The following AMPH variants were observed in gnomAD, a reference collection of about 807,000 sequenced individuals.
AMPH encodes the protein amphiphysin.
AMPH carries 49 observed loss-of-function variants against 99.1 expected under a neutral mutation model. The ratio of observed to expected loss-of-function variants is 0.49; its 90% CI spans 0.39 to 0.63. AMPH has a LOEUF of 0.63. AMPH is among the 20% of genes least tolerant of loss of function. The pLI is 0.00. For synonymous variants in AMPH, 314 were observed against 317.3 expected (o/e 0.99, Z 0.11); for missense variants, 759 against 863.4 (o/e 0.88, Z 1.52).
At chr7:38,520,018 C>A (rs1220255729) in intron 2 of AMPH, among the ~76,000 whole-genome samples, 1 of 151,786 alleles carries the variant, frequency 6.6e-6, no homozygotes, top group Non-Finnish European at 1.5e-5. Context: ...AAATAAAAAT[C>A]AAAAAAATAA....
intron 2 of AMPH, among the ~76,000 whole-genome samples, chr7:38,524,600 A>G (rs1231329035): frequency 1.3e-5 from 2 of 150,628 alleles, no homozygotes; most frequent in African/African-American, 4.9e-5. Flanking sequence ...GGATGGATGA[A>G]TAGATGGTTG....
rs150756713 is a variant in AMPH, at chr7:38,467,291, C to T, written c.591-1043G>A. ...GTCTGAGATAGGGCAAAGGAGAACA[C>T]TTGCACCTGTATTTGAGGAAGCTAA... is the stretch of plus-strand genomic sequence containing the variant. On this transcript the variant is annotated intron_variant, in intron 7 of 20. Transcript: ENST00000356264. Among the ~76,000 whole-genome samples, 3 of 152,250 alleles carry T rather than the reference C, an allele frequency of 2.0e-5. No homozygotes were observed. The East Asian group carries it at 5.8e-4, about 29-fold the overall frequency.
chr7:38,449,857 T>A (rs1179333412), intron 11 of AMPH, among the ~76,000 whole-genome samples: 1 of 152,204 alleles, frequency 6.6e-6, no homozygotes, highest in Non-Finnish European at 1.5e-5. Context: ...AGGTTACAGA[T>A]ACCCAGTAAG....
In AMPH at chr7:38,459,324, T is replaced by A. The variant is rs76835773; in HGVS notation, c.1017+1959A>T. ...ACGCCTACCAAAATACCAACAACAT[T>A]TTCAGCAGAATTAGAAAAAATCATA... is the stretch of plus-strand genomic sequence containing the variant. On this transcript the variant is annotated intron_variant, in intron 11 of 20. Transcript: ENST00000356264. Among the ~76,000 whole-genome samples the A allele has an allele frequency of 5.1e-3, 778 of 152,114 alleles. 8 individuals carry two copies. Among genetic ancestry groups the A allele is most frequent in the African/African-American group, 0.018 (741 of 41,494 alleles).
chr7:38,475,821 G>A (rs1788060315), intron 6 of AMPH, among the ~76,000 whole-genome samples: 1 of 152,210 alleles, frequency 6.6e-6, no homozygotes, highest in African/African-American at 2.4e-5. Context: ...ATGCTATATG[G>A]AAGGTGGTGC....
intron 11 of AMPH, among the ~76,000 whole-genome samples, chr7:38,446,562 A>C (rs1339449188): frequency 2.0e-5 from 3 of 152,222 alleles, no homozygotes; most frequent in Non-Finnish European, 4.4e-5. Context: ...ATTCTAGAAA[A>C]TGCAAACTAA....
At chr7:38,623,011 C>G (rs1032688646) in intron 1 of AMPH, among the ~76,000 whole-genome samples, 9 of 152,110 alleles carry the variant, frequency 5.9e-5, no homozygotes, top group Non-Finnish European at 1.2e-4. Flanking sequence ...ATTAGGGACC[C>G]TTTCTCACAA....
rs116652367 is a variant in AMPH, at chr7:38,546,403, G to A, written c.70-11392C>T. ...TGTTTTAAAGTCTGATCTGCATGAA[G>A]TGAATTTCTAAAAAAAAAATTAAAC... is the stretch of plus-strand genomic sequence containing the variant. On this transcript the variant is annotated intron_variant, in intron 1 of 20. Coordinates refer to ENST00000356264, the MANE Select transcript of AMPH (RefSeq NM_001635.4). 1.8e-3 allele frequency among the ~76,000 whole-genome samples: 272 copies of A among 152,174 alleles called. 1 individual carries two copies. The highest frequency in any genetic ancestry group is 6.2e-3 in the African/African-American group (257 of 41,518).
chr7:38,535,718 T>G (rs954161504), intron 1 of AMPH, among the ~76,000 whole-genome samples: 2 of 152,176 alleles, frequency 1.3e-5, no homozygotes, highest in African/African-American at 4.8e-5. Context: ...AGGTATTATA[T>G]TCTCATAAGG....
At chr7:38,454,867 T>C (rs1260002470) in intron 11 of AMPH, among the ~76,000 whole-genome samples, 2 of 152,222 alleles carry the variant, frequency 1.3e-5, no homozygotes, top group African/African-American at 4.8e-5. Flanking sequence ...GAGAGAATAC[T>C]ATGGGCAAAT....
At chr7:38,557,082 G>C (rs1309171909) in intron 1 of AMPH, among the ~76,000 whole-genome samples, 2 of 152,174 alleles carry the variant, frequency 1.3e-5, no homozygotes, top group Non-Finnish European at 2.9e-5. Context: ...ATATGGTCCA[G>C]GACAGCTGTG....
intron 2 of AMPH, among the ~76,000 whole-genome samples, chr7:38,510,224 C>T (rs1457777953): frequency 2.6e-5 from 4 of 152,098 alleles, no homozygotes; most frequent in Non-Finnish European, 4.4e-5. Flanking sequence ...GCTGTGTCCT[C>T]GTGTGGCTTT....
At chr7:38,400,926 AT>A (rs944384671) in intron 17 of AMPH, among the ~76,000 whole-genome samples, 12 of 152,268 alleles carry the variant, frequency 7.9e-5, no homozygotes, top group East Asian at 3.9e-4. Flanking sequence ...CAATTAAAAA[AT>A]TTTTTTCTAA....
At chr7:38,385,738 G>C (rs1288119458) in intron 20 of AMPH, among the ~76,000 whole-genome samples, 1 of 152,174 alleles carries the variant, frequency 6.6e-6, no homozygotes, top group African/African-American at 2.4e-5. Context: ...TCCATATATG[G>C]TCATGCAGAA....
At chr7:38,535,564 T>C (rs1306857829) in intron 1 of AMPH, among the ~76,000 whole-genome samples, 1 of 152,188 alleles carries the variant, frequency 6.6e-6, no homozygotes, top group Non-Finnish European at 1.5e-5. Context: ...GTGCACTTTA[T>C]TTCTATTATT....
intron 2 of AMPH, among the ~76,000 whole-genome samples, chr7:38,506,992 A>G (rs1789351419): frequency 6.6e-6 from 1 of 152,230 alleles, no homozygotes; most frequent in Admixed American, 6.5e-5. Flanking sequence ...AGGGATGGTT[A>G]TGAGTCACCA....
At chr7:38,441,494 A>G (rs1786503077) in intron 11 of AMPH, among the ~76,000 whole-genome samples, 1 of 151,972 alleles carries the variant, frequency 6.6e-6, no homozygotes, top group Non-Finnish European at 1.5e-5. Context: ...GGTCTCAACT[A>G]ATTCTTTTTT....
chr7:38,535,096 T>C, intron 1 of AMPH, 85 bp from the exon 2 acceptor site: 1 of 1,248,068 alleles, frequency 8.0e-7, no homozygotes, highest in Non-Finnish European at 1.2e-6. Context: ...AGCAAGGCTG[T>C]TGTTTTGCTC....
At chr7:38,392,377 CTTTTTTTTTTTTTTT>C (rs574057389) in intron 18 of AMPH, among the ~76,000 whole-genome samples, 1 of 42,030 alleles carries the variant, frequency 2.4e-5, no homozygotes, top group Non-Finnish European at 4.0e-5. Context: ...CGGCCTGGTT[CTTTTTTTTTTTTTTT>C]TTTTTTTTTT....
Sources: allele counts gnomAD v4.1 joint callset (sites outside exome capture counted in the v4.1 genomes callset), GRCh38; gene constraint gnomAD v4.1.1; transcripts MANE v1.5; gene names NCBI Gene and HGNC (gene_info 2026-07-23, HGNC 2026-07-21).